VPS45: variants seen among roughly 807,000 people sequenced by gnomAD.
VPS45 encodes the protein vacuolar protein sorting-associated protein 45.
Under a neutral mutation model 75.9 loss-of-function variants are expected in VPS45, and 35 were observed. The observed-to-expected ratio is 0.46, with a 90% CI of 0.35 to 0.61. VPS45 has a LOEUF of 0.61. VPS45 is among the 20% of genes least tolerant of loss of function. The probability of loss-of-function intolerance (pLI) is 0.00; values close to 1 mark genes in which losing one functional copy is unlikely to be tolerated. For missense variants in VPS45, 559 were observed against 685.9 expected (o/e 0.81, Z 2.07); for synonymous variants, 220 against 238.2 (o/e 0.92, Z 0.70).
intron 13 of VPS45, among the ~76,000 whole-genome samples, chr1:150,098,230 T>C (rs1184115261): frequency 6.6e-6 from 1 of 152,248 alleles, no homozygotes; most frequent in Non-Finnish European, 1.5e-5. Context: ...GTTAGTTACA[T>C]ATCTATCCTT....
chr1:150,125,287 C>G (rs1265006885), intron 14 of VPS45, among the ~76,000 whole-genome samples: 1 of 1,686 alleles, frequency 5.9e-4, no homozygotes, highest in African/African-American at 2.5e-3. Flanking sequence ...TGGGAACATT[C>G]AAAATCTTCT....
chr1:150,130,662 T>C (rs1553812167), intron 14 of VPS45, among the ~76,000 whole-genome samples: 1 of 152,196 alleles, frequency 6.6e-6, no homozygotes, highest in African/African-American at 2.4e-5. Flanking sequence ...GCACCTACTA[T>C]ATTACAGGGG....
intron 14 of VPS45, among the ~76,000 whole-genome samples, chr1:150,122,711 T>A (rs1305385236): frequency 1.3e-5 from 2 of 151,868 alleles, no homozygotes; most frequent in Non-Finnish European, 2.9e-5. Context: ...TTAGAACATT[T>A]TCATTGGCTG....
chr1:150,077,447 C>CT, intron 6 of VPS45: 1 of 748,498 alleles, frequency 1.3e-6, no homozygotes, highest in Non-Finnish European at 2.1e-6. Flanking sequence ...AGCTATTTAA[C>CT]TTTTTTTGGT....
intron 14 of VPS45, among the ~76,000 whole-genome samples, chr1:150,130,314 G>A (rs943733995): frequency 7.0e-6 from 1 of 143,626 alleles, no homozygotes; most frequent in African/African-American, 2.6e-5. Flanking sequence ...CCATCCTCCC[G>A]AGTAGCTGGG....
intron 13 of VPS45, among the ~76,000 whole-genome samples, chr1:150,097,847 TTTTG>T (rs1259900576): frequency 6.6e-6 from 1 of 151,974 alleles, no homozygotes; most frequent in Non-Finnish European, 1.5e-5. Flanking sequence ...CAGTAACTCT[TTTTG>T]TTTGTTTGTT....
At chr1:150,086,398 A>G (rs1656016242) in intron 10 of VPS45, among the ~76,000 whole-genome samples, 3 of 152,270 alleles carry the variant, frequency 2.0e-5, no homozygotes, top group East Asian at 1.9e-4. Flanking sequence ...ATTTGATGGT[A>G]CATTTAATTT....
intron 13 of VPS45, among the ~76,000 whole-genome samples, chr1:150,100,371 T>C (rs1281469822): frequency 6.6e-6 from 1 of 152,178 alleles, no homozygotes; most frequent in African/African-American, 2.4e-5. Context: ...TGCTCATGGA[T>C]AGGAAGAATC....
intron 2 of VPS45, among the ~76,000 whole-genome samples, chr1:150,069,017 C>T (rs115954644): frequency 1.4e-3 from 215 of 152,314 alleles, no homozygotes; most frequent in Non-Finnish European, 2.8e-3. Context: ...CTACTCTTAA[C>T]GGAGACCCAC....
intron 13 of VPS45, chr1:150,098,830 AT>A (rs781814170): frequency 8.2e-5 from 102 of 1,241,896 alleles, no homozygotes; most frequent in Admixed American, 4.5e-4. Context: ...TTTCAAGCTA[AT>A]TTTTTTTTCT....
intron 14 of VPS45, among the ~76,000 whole-genome samples, chr1:150,128,849 C>T (rs1022420381): frequency 6.6e-6 from 1 of 152,090 alleles, no homozygotes; most frequent in Non-Finnish European, 1.5e-5. Flanking sequence ...AAGCGATTCT[C>T]CTGCCACAAA....
intron 3 of VPS45, among the ~76,000 whole-genome samples, chr1:150,073,614 T>A (rs1655197957): frequency 6.6e-6 from 1 of 152,090 alleles, no homozygotes. Flanking sequence ...AACTTTCTAT[T>A]TTGAAGTAAT....
Position 150,118,253 on chromosome 1 carries a change from C to T in VPS45, c.1625+7626C>T, listed in dbSNP as rs1324945674. On this transcript the variant is annotated intron_variant, in intron 14 of 14. Transcript: ENST00000644510. ...GAGCTGAGATGGCACCATTGCACTC[C>T]AGCCTGGGTGACAGGGCAAGACCCT... Among the ~76,000 whole-genome samples, 6 of 140,126 alleles carry T rather than the reference C, an allele frequency of 4.3e-5. No individual in the cohort carries two copies. The Admixed American group carries it at 4.5e-4, about 10-fold the overall frequency. The allele number at this position is 140,126 out of a possible 152,430, so 91.9% of individuals were successfully genotyped here. A position where few individuals can be genotyped will look rare whatever the true frequency, so the allele number is the denominator to read the frequency against.
chr1:150,077,092 AG>A lies in VPS45; in HGVS notation c.440del. 6.2e-7 allele frequency: 1 copy of A among 1,613,666 alleles called. No homozygotes were observed. On this transcript the variant is annotated splice_acceptor_variant, in intron 5 of 14. Transcript: ENST00000644510. LOFTEE classifies it high-confidence loss of function. Reference sequence around the variant, plus strand: ...CTCTGAATATATGTTTTTAACAAAAAGGGTCGAAATTGGGATCCAGCCCAGC... The same window carrying A: ...CTCTGAATATATGTTTTTAACAAAAAGGTCGAAATTGGGATCCAGCCCAGC...
chr1:150,102,001 C>G (rs1657047347), intron 13 of VPS45, among the ~76,000 whole-genome samples: 1 of 151,928 alleles, frequency 6.6e-6, no homozygotes, highest in Non-Finnish European at 1.5e-5. Context: ...CTTTGGGAGG[C>G]TGAGGCAGGT....
intron 14 of VPS45, among the ~76,000 whole-genome samples, chr1:150,131,706 C>A (rs1658848723): frequency 6.6e-6 from 1 of 150,824 alleles, no homozygotes; most frequent in South Asian, 2.1e-4. Context: ...TTTAGCCATG[C>A]ATGATGGCAT....
intron 14 of VPS45, among the ~76,000 whole-genome samples, chr1:150,139,237 A>G (rs1293250292): frequency 3.3e-5 from 5 of 152,170 alleles, no homozygotes; most frequent in African/African-American, 1.2e-4. Flanking sequence ...GCCAGGCCTT[A>G]TATGGTCTCT....
intron 10 of VPS45, among the ~76,000 whole-genome samples, chr1:150,089,829 GA>G (rs1192362510): frequency 1.3e-5 from 2 of 151,932 alleles, no homozygotes; most frequent in Admixed American, 6.6e-5. Flanking sequence ...CCCATGAAAG[GA>G]AAAAAATAAG....
chr1:150,142,451 T>A lies in VPS45; in HGVS notation c.1626-2258T>A, dbSNP rs188953124. Among the ~76,000 whole-genome samples the A allele has an allele frequency of 3.3e-5, 5 of 152,328 alleles. No individual in the cohort carries two copies. The East Asian group carries it at 9.6e-4, about 29-fold the overall frequency. On this transcript the variant is annotated intron_variant, in intron 14 of 14. Coordinates refer to ENST00000644510, the MANE Select transcript of VPS45 (RefSeq NM_007259.5). ...GTCTGTATTTCCATAGAGGAACAAA[T>A]GAACTTAGCTTCTACTCCTTTCCCT...
Sources: allele counts gnomAD v4.1 joint callset (sites outside exome capture counted in the v4.1 genomes callset), GRCh38; gene constraint gnomAD v4.1.1; transcripts MANE v1.5; gene names NCBI Gene and HGNC (gene_info 2026-07-23, HGNC 2026-07-21).